The following ECHDC1 variants were observed in gnomAD, a reference collection of about 807,000 sequenced individuals.
ECHDC1 encodes ethylmalonyl-CoA decarboxylase.
Under a neutral mutation model 29.7 loss-of-function variants are expected in ECHDC1, and 29 were observed. That is an observed-to-expected ratio of 0.98 (90% CI 0.73 to 1.33). The LOEUF (loss-of-function observed/expected upper bound fraction) is 1.33, where lower values mean the gene tolerates loss of function less well. Among genes scored for constraint, ECHDC1 ranks in the 40% most tolerant of loss-of-function variants. The pLI is 0.00. For synonymous variants in ECHDC1, 126 were observed against 123.1 expected, an observed-to-expected ratio of 1.02 and a Z score of -0.15; for missense variants, 328 against 350.0, an observed-to-expected ratio of 0.94 and a Z score of 0.50.
chr6:127,294,567 A>C (rs1160466953), intron 5 of ECHDC1: 1 of 152,180 alleles, frequency 6.6e-6, no homozygotes, highest in African/African-American at 2.4e-5. Context: ...ATGCAAACAG[A>C]CTGCTTGAGT....
In ECHDC1 at chr6:127,295,171, A is replaced by T. The variant is rs532293478; in HGVS notation, c.498-4894T>A. Among the ~76,000 whole-genome samples the T allele has an allele frequency of 9.3e-5, 14 of 151,264 alleles. No homozygotes were observed. In the East Asian group the frequency reaches 2.5e-3, roughly 27 times the overall value. ...ACCATGTTGGCCAGGCTGGTCTTGAACTCCTTACATCAGGTGATCCACCCA... is the reference window on the plus strand; with the variant it reads ...ACCATGTTGGCCAGGCTGGTCTTGATCTCCTTACATCAGGTGATCCACCCA... On this transcript the variant is annotated intron_variant, in intron 5 of 5. Coordinates refer to ENST00000454859, the MANE Select transcript of ECHDC1 (RefSeq NM_001002030.2).
chr6:127,315,709 G>T (rs1269866587), intron 4 of ECHDC1: 1 of 320,222 alleles, frequency 3.1e-6, no homozygotes, highest in Non-Finnish European at 6.3e-6. Flanking sequence ...GGTGAATAGG[G>T]TTTAAACAAT....
At chr6:127,326,054 T>A (rs1025832386) in intron 3 of ECHDC1, among the ~76,000 whole-genome samples, 2 of 152,148 alleles carry the variant, frequency 1.3e-5, no homozygotes, top group Non-Finnish European at 2.9e-5. Flanking sequence ...CAGTAGAGTT[T>A]CATTAATAGT....
chr6:127,325,448 T>C (rs1013459118), intron 3 of ECHDC1, among the ~76,000 whole-genome samples: 1 of 152,164 alleles, frequency 6.6e-6, no homozygotes, highest in Non-Finnish European at 1.5e-5. Context: ...TGTTGAATTA[T>C]GACTAACAGG....
intron 2 of ECHDC1, among the ~76,000 whole-genome samples, chr6:127,329,285 T>C (rs1783684457): frequency 6.6e-6 from 1 of 152,110 alleles, no homozygotes; most frequent in Non-Finnish European, 1.5e-5. Flanking sequence ...GGGCCTTGAG[T>C]GCTCATTCAT....
intron 5 of ECHDC1, among the ~76,000 whole-genome samples, chr6:127,305,888 GAGA>G (rs1450083140): frequency 6.6e-6 from 1 of 151,396 alleles, no homozygotes; most frequent in Non-Finnish European, 1.5e-5. Flanking sequence ...AGAAAAGAAA[GAGA>G]AGACCACAAA....
chr6:127,331,721 T>C, intron 1 of ECHDC1: 1 of 699,640 alleles, frequency 1.4e-6, no homozygotes, highest in Non-Finnish European at 1.8e-6. Flanking sequence ...TTTTAAAATC[T>C]AAGAATAAAT....
chr6:127,341,593 C>G (rs1206101047), intron 1 of ECHDC1: 1 of 152,106 alleles, frequency 6.6e-6, no homozygotes, highest in East Asian at 1.9e-4. Context: ...TGCAGCCCCA[C>G]CACAAAGAAG....
chr6:127,291,910 G>T (rs1258485859), intron 5 of ECHDC1, among the ~76,000 whole-genome samples: 2 of 151,904 alleles, frequency 1.3e-5, no homozygotes, highest in East Asian at 3.9e-4. Flanking sequence ...TAGTTTTCAA[G>T]AAATAATTTT....
intron 1 of ECHDC1, chr6:127,331,828 A>G: frequency 1.0e-6 from 1 of 985,282 alleles, no homozygotes; most frequent in Non-Finnish European, 1.2e-6. Flanking sequence ...CATTATTCTT[A>G]CCTTCTGCAA....
In ECHDC1 at chr6:127,342,415, G is replaced by A. The variant is rs750483365; in HGVS notation, c.-3+921C>T. On this transcript the variant is annotated intron_variant, in intron 1 of 5. Transcript: ENST00000454859. ...TTCCCTTCCTGGAATGTTAATCATT[G>A]CAGGAATCCCAGCTGATTATACAGT... 4.4e-5 allele frequency: 67 copies of A among 1,537,184 alleles called. No individual in the cohort carries two copies. In the Middle Eastern group the frequency reaches 2.5e-3, roughly 58 times the overall value.
chr6:127,290,424 T>A (rs1019158032), intron 5 of ECHDC1, 147 bp from the exon 6 acceptor site: 1 of 792,222 alleles, frequency 1.3e-6, no homozygotes. Flanking sequence ...TATGGCTGTT[T>A]CATCTAGAAT....
intron 5 of ECHDC1, among the ~76,000 whole-genome samples, chr6:127,291,963 T>C (rs1263939399): frequency 1.3e-5 from 2 of 152,096 alleles, no homozygotes; most frequent in Non-Finnish European, 2.9e-5. Flanking sequence ...AAAATCTGAA[T>C]TTATCACAAT....
chr6:127,299,781 C>G (rs1271801686), intron 5 of ECHDC1, among the ~76,000 whole-genome samples: 1 of 152,188 alleles, frequency 6.6e-6, no homozygotes, highest in African/African-American at 2.4e-5. Context: ...CTCACTCACT[C>G]ACTTACCCAG....
intron 3 of ECHDC1, among the ~76,000 whole-genome samples, chr6:127,318,618 T>A (rs1450359718): frequency 1.3e-5 from 2 of 151,962 alleles, no homozygotes; most frequent in Admixed American, 1.3e-4. Context: ...GGGATGGGGG[T>A]AGTTAGACAG....
intron 5 of ECHDC1, among the ~76,000 whole-genome samples, chr6:127,306,190 ATTG>A (rs755973581): frequency 6.6e-6 from 1 of 152,158 alleles, no homozygotes; most frequent in Non-Finnish European, 1.5e-5. Flanking sequence ...CAAGACAAAA[ATTG>A]TTAAGAAGAG....
At chr6:127,296,095 T>C (rs138530204) in intron 5 of ECHDC1, among the ~76,000 whole-genome samples, 1 of 152,244 alleles carries the variant, frequency 6.6e-6, no homozygotes, top group Non-Finnish European at 1.5e-5. Context: ...GCATGAACTT[T>C]TCTATAACCT....
chr6:127,294,290 C>T (rs1477373883), intron 5 of ECHDC1, among the ~76,000 whole-genome samples: 1 of 152,180 alleles, frequency 6.6e-6, no homozygotes, highest in African/African-American at 2.4e-5. Context: ...ACAAAGTAAA[C>T]TTGCTCGCAT....
Position 127,332,989 on chromosome 6 carries a change from C to T in ECHDC1, c.-2-1959G>A, listed in dbSNP as rs999844186. 8.5e-4 allele frequency among the ~76,000 whole-genome samples: 129 copies of T among 152,142 alleles called. 2 individuals carry two copies. Among genetic ancestry groups the T allele is most frequent in the African/African-American group, 3.0e-3 (125 of 41,432 alleles). The stretch of plus-strand genomic sequence containing the variant: ...TCTATTTTTAGTAAAGACAGAGTTT[C>T]GCCATTTTGGACAGGCTGATCTCAA... On this transcript the variant is annotated intron_variant, in intron 1 of 5. Transcript: ENST00000454859.
Sources: allele counts gnomAD v4.1 joint callset (sites outside exome capture counted in the v4.1 genomes callset), GRCh38; gene constraint gnomAD v4.1.1; transcripts MANE v1.5; gene names NCBI Gene and HGNC (gene_info 2026-07-23, HGNC 2026-07-21).